The following TAFA2 variants were observed in gnomAD, a reference collection of about 807,000 sequenced individuals.
TAFA2 encodes TAFA chemokine like family member 2, also known as chemokine-like protein TAFA-2.
In TAFA2, 7 loss-of-function variants were observed where a neutral mutation model predicts 18.8. That is an observed-to-expected ratio of 0.37 (90% CI 0.21 to 0.70). The LOEUF is 0.70. Ranked by LOEUF, TAFA2 falls within the 30% of genes least tolerant of loss-of-function variation. TAFA2 has a pLI of 0.53. For synonymous variants in TAFA2, 60 were observed against 54.2 expected (o/e 1.11, Z -0.47); for missense variants, 122 against 158.1 (o/e 0.77, Z 1.23).
intron 1 of TAFA2, among the ~76,000 whole-genome samples, chr12:62,058,986 T>C (rs1027819962): frequency 7.2e-5 from 11 of 151,878 alleles, no homozygotes; most frequent in Admixed American, 1.3e-4. Context: ...GCCTGTAGTC[T>C]CAGCTACTCC....
At chr12:62,142,381 G>T (rs1162359884) in intron 1 of TAFA2, among the ~76,000 whole-genome samples, 1 of 152,142 alleles carries the variant, frequency 6.6e-6, no homozygotes, top group Non-Finnish European at 1.5e-5. Context: ...TGTGGCAAAT[G>T]GTGGCTATGT....
intron 1 of TAFA2, among the ~76,000 whole-genome samples, chr12:62,189,441 G>A (rs184242922): frequency 2.0e-5 from 3 of 152,258 alleles, no homozygotes; most frequent in Non-Finnish European, 4.4e-5. Context: ...AAAAAGAAAG[G>A]TCAACTCAAA....
intron 1 of TAFA2, among the ~76,000 whole-genome samples, chr12:62,074,693 C>T (rs899062983): frequency 2.9e-5 from 4 of 137,026 alleles, no homozygotes; most frequent in Admixed American, 7.7e-5. Context: ...CTTCTAACTA[C>T]ATGAATTTTT....
chr12:61,909,804 G>A (rs536947973), intron 1 of TAFA2, among the ~76,000 whole-genome samples: 2 of 152,230 alleles, frequency 1.3e-5, no homozygotes, highest in East Asian at 3.9e-4. Flanking sequence ...GGTTTTAGTA[G>A]GGTTTTAAAG....
At chr12:62,099,009 G>T (rs1167424690) in intron 1 of TAFA2, among the ~76,000 whole-genome samples, 1 of 151,960 alleles carries the variant, frequency 6.6e-6, no homozygotes, top group African/African-American at 2.4e-5. Context: ...CAAACTAGAT[G>T]GCATATTTTA....
intron 1 of TAFA2, among the ~76,000 whole-genome samples, chr12:62,149,314 T>A (rs2062309666): frequency 6.6e-6 from 1 of 152,088 alleles, no homozygotes; most frequent in African/African-American, 2.4e-5. Flanking sequence ...CTAAAGCCCT[T>A]AAAAAGAGTT....
chr12:61,744,652 T>C (rs1300003111), intron 4 of TAFA2, among the ~76,000 whole-genome samples: 2 of 152,046 alleles, frequency 1.3e-5, no homozygotes, highest in East Asian at 1.9e-4. Flanking sequence ...CCTCCTAGGA[T>C]CAAGCAACTT....
chr12:61,995,362 T>A (rs1480863400), intron 1 of TAFA2, among the ~76,000 whole-genome samples: 1 of 152,230 alleles, frequency 6.6e-6, no homozygotes, highest in Non-Finnish European at 1.5e-5. Context: ...CAATGTCACC[T>A]CCTTAGAGAT....
intron 2 of TAFA2, among the ~76,000 whole-genome samples, chr12:61,758,000 A>G (rs1401398193): frequency 6.6e-6 from 1 of 152,032 alleles, no homozygotes; most frequent in African/African-American, 2.4e-5. Flanking sequence ...GGATATTAAT[A>G]GCACAATCTT....
At chr12:62,232,897 A>T (rs2062818029) in intron 1 of TAFA2, among the ~76,000 whole-genome samples, 1 of 151,934 alleles carries the variant, frequency 6.6e-6, no homozygotes, top group Non-Finnish European at 1.5e-5. Context: ...CCATCTCTGG[A>T]TAAAGACTTA....
intron 1 of TAFA2, among the ~76,000 whole-genome samples, chr12:62,204,232 G>A (rs543333384): frequency 1.3e-5 from 2 of 152,184 alleles, no homozygotes; most frequent in South Asian, 4.2e-4. Flanking sequence ...ACTTGCCTTT[G>A]TAGGTGACCT....
At chr12:62,052,330 C>G (rs1363427556) in intron 1 of TAFA2, among the ~76,000 whole-genome samples, 1 of 152,092 alleles carries the variant, frequency 6.6e-6, no homozygotes, top group African/African-American at 2.4e-5. Flanking sequence ...AGTAGCTGGA[C>G]TACAGGTGCA....
rs140167139 is a variant in TAFA2 at position 61,770,238 on chromosome 12, A to T, written c.107-15214T>A. On this transcript the variant is annotated intron_variant, in intron 2 of 4. Coordinates refer to ENST00000416284, the MANE Select transcript of TAFA2 (RefSeq NM_178539.5). The stretch of plus-strand genomic sequence containing the variant: ...TAATAAAGCCTCCAAGAAGTTTGGA[A>T]TTATGTTAATCAAACCTAAGAATAA... 6.0e-3 allele frequency among the ~76,000 whole-genome samples: 910 copies of T among 152,216 alleles called. 9 individuals are homozygous for T. The highest frequency in any genetic ancestry group is 0.021 in the African/African-American group (855 of 41,576).
chr12:61,762,801 T>C (rs1869616274), intron 2 of TAFA2, among the ~76,000 whole-genome samples: 1 of 152,016 alleles, frequency 6.6e-6, no homozygotes, highest in Admixed American at 6.6e-5. Context: ...CTTATTTGCA[T>C]TCTGATTTGT....
chr12:62,144,779 T>A (rs539024190), intron 1 of TAFA2, among the ~76,000 whole-genome samples: 1 of 152,202 alleles, frequency 6.6e-6, no homozygotes, highest in African/African-American at 2.4e-5. Flanking sequence ...GGCTGGCAGT[T>A]TTTTTTATTA....
At chr12:61,959,111 T>C (rs1039735946) in intron 1 of TAFA2, among the ~76,000 whole-genome samples, 4 of 152,058 alleles carry the variant, frequency 2.6e-5, no homozygotes, top group African/African-American at 9.7e-5. Context: ...CTGATATTTT[T>C]TAAAAGCCTC....
At chr12:62,057,521 C>G (rs1882219040) in intron 1 of TAFA2, among the ~76,000 whole-genome samples, 1 of 151,930 alleles carries the variant, frequency 6.6e-6, no homozygotes, top group African/African-American at 2.4e-5. Context: ...ATTTTCTATA[C>G]TGTTGGTTTT....
intron 1 of TAFA2, among the ~76,000 whole-genome samples, chr12:62,049,543 G>T (rs1293470779): frequency 1.3e-5 from 2 of 152,128 alleles, no homozygotes; most frequent in African/African-American, 4.8e-5. Context: ...AACATTTTCA[G>T]TTGAATAATG....
chr12:61,760,493 C>T (rs1393987274), intron 2 of TAFA2, among the ~76,000 whole-genome samples: 2 of 151,156 alleles, frequency 1.3e-5, no homozygotes, highest in Middle Eastern at 3.2e-3. Flanking sequence ...TATTTGTCTG[C>T]TGTATATCTT....
Sources: gnomAD v4.1 joint callset for allele counts (sites outside exome capture counted in the v4.1 genomes callset) on GRCh38, gnomAD v4.1.1 for gene constraint, MANE v1.5 for transcripts, NCBI Gene and HGNC (gene_info 2026-07-23, HGNC 2026-07-21) for gene names.